NPIPA5: variants seen among roughly 807,000 people sequenced by gnomAD.
NPIPA5 encodes nuclear pore complex-interacting protein family member A5.
NPIPA5 carries 6 observed loss-of-function variants against 21.4 expected under a neutral mutation model. That is an observed-to-expected ratio of 0.28 (90% CI 0.15 to 0.55). The LOEUF is 0.55. Ranked by LOEUF, NPIPA5 falls within the 20% of genes least tolerant of loss-of-function variation. The pLI is 0.93. For missense variants in NPIPA5, 99 were observed against 318.2 expected (o/e 0.31, Z 5.24); for synonymous variants, 33 against 115.3 (o/e 0.29, Z 4.57).
intron 1 of NPIPA5, among the ~76,000 whole-genome samples, chr16:15,376,778 G>C (rs1278878465): frequency 1.3e-5 from 2 of 151,426 alleles, no homozygotes; most frequent in South Asian, 2.1e-4. Context: ...AGCCAGGCGT[G>C]GTGGCCTACT....
At chr16:15,376,893 G>T (rs1444306289) in intron 1 of NPIPA5, among the ~76,000 whole-genome samples, 1 of 152,026 alleles carries the variant, frequency 6.6e-6, no homozygotes, top group African/African-American at 2.4e-5. Flanking sequence ...ACAATTGCTT[G>T]AACCCCGGAA....
intron 1 of NPIPA5, among the ~76,000 whole-genome samples, chr16:15,376,811 C>T (rs1245484037): frequency 6.6e-6 from 1 of 151,874 alleles, no homozygotes; most frequent in Non-Finnish European, 1.5e-5. Flanking sequence ...ATTAGCCAGG[C>T]GTGGTGGTCT....
At chr16:15,379,985 CTG>C (rs370938234), upstream of NPIPA5, among the ~76,000 whole-genome samples, 7,857 of 142,688 alleles carry the variant, frequency 0.055, 426 homozygotes, top group African/African-American at 0.14. Flanking sequence ...GTGTGTGTGT[CTG>C]TGTGTGTGTG....
At chr16:15,380,961 C>G (rs758758517), upstream of NPIPA5, 3 of 1,459,590 alleles carry the variant, frequency 2.1e-6, no homozygotes, top group East Asian at 2.5e-5. Flanking sequence ...ATGTCACTGA[C>G]TTTACGTGCT....
At chr16:15,376,121 C>G (rs1224108705) in intron 1 of NPIPA5, among the ~76,000 whole-genome samples, 1 of 151,898 alleles carries the variant, frequency 6.6e-6, no homozygotes, top group Non-Finnish European at 1.5e-5. Flanking sequence ...CAAAAGAGTA[C>G]CTATGGCATG....
intron 4 of NPIPA5, among the ~76,000 whole-genome samples, chr16:15,368,472 A>G (rs1301020979): frequency 6.6e-6 from 1 of 152,146 alleles, no homozygotes; most frequent in East Asian, 1.9e-4. Flanking sequence ...CTCACATTTA[A>G]CAAAAAAAGA....
rs560501721 is a variant in NPIPA5 at position 15,363,663 on chromosome 16, T to G, written c.1049A>C (p.Asn350Thr). 3.7e-5 allele frequency: 57 copies of G among 1,543,762 alleles called. 1 individual carries two copies. The highest frequency in any genetic ancestry group is 4.8e-5 in the Non-Finnish European group (55 of 1,149,840). The change falls in exon 8 of 8, where the codon AAC (asparagine) becomes ACC (threonine). Residue 350 changes from asparagine to threonine, a missense_variant. Coordinates refer to ENST00000360151, the MANE Select transcript of NPIPA5 (RefSeq NM_001277325.2). ...ATATTATTTATTTATTCTTCATTAG[T>G]TTCTTGAGATTATCATCCGCTGAGG... ...FHPQRMIISR[N>T] is the part of the protein sequence containing the mutation.
At chr16:15,368,534 T>A (rs1302299654) in intron 4 of NPIPA5, among the ~76,000 whole-genome samples, 8 of 151,488 alleles carry the variant, frequency 5.3e-5, no homozygotes, top group Admixed American at 5.3e-4. Context: ...CATGAAAGAC[T>A]GTGAAAATGA....
At chr16:15,377,045 C>A (rs1314615547) in intron 1 of NPIPA5, among the ~76,000 whole-genome samples, 4 of 150,630 alleles carry the variant, frequency 2.7e-5, no homozygotes, top group Admixed American at 1.3e-4. Context: ...TGTTTTGGTC[C>A]GTTTTGTTTG....
At chr16:15,376,812 G>C (rs1367201905) in intron 1 of NPIPA5, among the ~76,000 whole-genome samples, 1 of 151,524 alleles carries the variant, frequency 6.6e-6, no homozygotes, top group Admixed American at 6.6e-5. Flanking sequence ...TTAGCCAGGC[G>C]TGGTGGTCTA....
At chr16:15,371,415 T>A (rs2050152425) in intron 2 of NPIPA5, among the ~76,000 whole-genome samples, 1 of 148,534 alleles carries the variant, frequency 6.7e-6, no homozygotes. Flanking sequence ...TCTTCGAAGA[T>A]ATTAAATATT....
intron 1 of NPIPA5, among the ~76,000 whole-genome samples, chr16:15,377,832 G>C (rs868049828): frequency 1.1e-3 from 160 of 149,778 alleles, no homozygotes; most frequent in Middle Eastern, 3.5e-3. Flanking sequence ...CAACAGGACA[G>C]GCGGGGCAAG....
At chr16:15,368,528 A>G (rs1255756902) in intron 4 of NPIPA5, among the ~76,000 whole-genome samples, 4 of 151,672 alleles carry the variant, frequency 2.6e-5, no homozygotes, top group Non-Finnish European at 4.4e-5. Flanking sequence ...CCAAAACATG[A>G]AAGACTGTGA....
At chr16:15,376,947 C>G in intron 1 of NPIPA5, among the ~76,000 whole-genome samples, 1 of 152,144 alleles carries the variant, frequency 6.6e-6, no homozygotes, top group Non-Finnish European at 1.5e-5. Flanking sequence ...GCACTCCAGC[C>G]TGGGCGACAG....
intron 4 of NPIPA5, among the ~76,000 whole-genome samples, chr16:15,367,252 A>G (rs566906822): frequency 1.3e-5 from 2 of 152,234 alleles, no homozygotes; most frequent in East Asian, 3.9e-4. Context: ...AGCCATAGAG[A>G]GATCCTTCCA....
Position 15,363,635 on chromosome 16 carries a change from T to A in NPIPA5, c.*24A>T, listed in dbSNP as rs1304977766. On this transcript the variant is annotated 3_prime_UTR_variant, in exon 8 of 8. Transcript: ENST00000360151. ...TAAGGACTGCAGTATTCATTTTATT[T>A]TTATATTATTTATTTATTCTTCATT... 4.0e-6 allele frequency: 6 copies of A among 1,496,072 alleles called. 2 individuals carry two copies. The highest frequency in any genetic ancestry group is 5.3e-6 in the Non-Finnish European group (6 of 1,123,276). 92.7% of individuals were successfully genotyped at this position (1,496,072 alleles called of 1,614,324 possible). A position where few individuals can be genotyped will look rare whatever the true frequency, so the allele number is the denominator to read the frequency against.
chr16:15,366,777 T>G lies in NPIPA5; in HGVS notation c.438-17A>C. The G allele has an allele frequency of 3.4e-6, 5 of 1,485,098 alleles. No individual in the cohort carries two copies. Among genetic ancestry groups the G allele is most frequent in the Non-Finnish European group, 4.4e-6 (5 of 1,124,928 alleles). The allele number at this position is 1,485,098 out of a possible 1,614,324, so 92.0% of individuals were successfully genotyped here. On this transcript the variant is annotated splice_polypyrimidine_tract_variant and intron_variant, in intron 4 of 7. Coordinates refer to ENST00000360151, the MANE Select transcript of NPIPA5 (RefSeq NM_001277325.2). Reference sequence around the variant, plus strand: ...TTCCTCAGACTAGAAGGGAGAGAAATGCACACACATGATCCACCAGCCCGT... The same window carrying G: ...TTCCTCAGACTAGAAGGGAGAGAAAGGCACACACATGATCCACCAGCCCGT...
chr16:15,381,525 C>T (rs1201640571), upstream of NPIPA5: 33 of 885,980 alleles, frequency 3.7e-5, no homozygotes, highest in Non-Finnish European at 4.2e-5. Flanking sequence ...GCCTTGTCCG[C>T]GGCAGGTGCT....
At chr16:15,365,389 GCAGACT>G in intron 7 of NPIPA5, 34 bp downstream of exon 7, 2 of 817,838 alleles carry the variant, frequency 2.4e-6, no homozygotes, top group Non-Finnish European at 3.7e-6. Context: ...TCCTGACCTG[GCAGACT>G]ATGTCCAAAA....
Sources: allele counts gnomAD v4.1 joint callset (sites outside exome capture counted in the v4.1 genomes callset), GRCh38; gene constraint gnomAD v4.1.1; transcripts MANE v1.5; gene names NCBI Gene and HGNC (gene_info 2026-07-23, HGNC 2026-07-21).